The following GFRA1 variants were observed in gnomAD, a reference collection of about 807,000 sequenced individuals.
GFRA1 encodes the protein GDNF family receptor alpha 1.
Under a neutral mutation model 51.6 loss-of-function variants are expected in GFRA1, and 16 were observed. The observed-to-expected ratio is 0.31, with a 90% CI of 0.21 to 0.47. The LOEUF (loss-of-function observed/expected upper bound fraction) is 0.47, where lower values mean the gene tolerates loss of function less well. GFRA1 is among the 20% of genes least tolerant of loss of function. The probability of loss-of-function intolerance (pLI) is 1.00; values close to 1 mark genes in which losing one functional copy is unlikely to be tolerated. For missense variants in GFRA1, 530 were observed against 594.3 expected (o/e 0.89, Z 1.13); for synonymous variants, 270 against 241.3 (o/e 1.12, Z -1.10).
chr10:116,057,410 T>C lies in GFRA1; in HGVS notation c.*6988A>G, dbSNP rs1347882401. ...ACCCTAAAAATCAGAAGCCGCCTTC[T>C]ACTCTACCGTGCTATAAACCTGCAT... On this transcript the variant is annotated 3_prime_UTR_variant, in exon 11 of 11. Coordinates refer to ENST00000355422, the MANE Select transcript of GFRA1 (RefSeq NM_005264.8). 6.6e-6 allele frequency: 1 copy of C among 152,156 alleles called. No homozygotes were observed. Among genetic ancestry groups the C allele is most frequent in the East Asian group, 1.9e-4 (1 of 5,182 alleles). The allele number at this position is 152,156 out of a possible 1,614,324, so 9.4% of individuals were successfully genotyped here. A position where few individuals can be genotyped will look rare whatever the true frequency, so the allele number is the denominator to read the frequency against.
intron 5 of GFRA1, among the ~76,000 whole-genome samples, chr10:116,169,402 C>T (rs925492104): frequency 6.6e-6 from 1 of 152,224 alleles, no homozygotes. Flanking sequence ...TCAAGCTGGA[C>T]CTGCGGACCT....
At chr10:116,084,598 C>T (rs143950355) in intron 9 of GFRA1, among the ~76,000 whole-genome samples, 1 of 152,280 alleles carries the variant, frequency 6.6e-6, no homozygotes, top group East Asian at 1.9e-4. Context: ...AGTCCCAAGG[C>T]TATAGCTCCC....
intron 4 of GFRA1, among the ~76,000 whole-genome samples, chr10:116,268,908 G>C (rs1272582138): frequency 6.6e-6 from 1 of 152,184 alleles, no homozygotes; most frequent in African/African-American, 2.4e-5. Context: ...ACCATGGGAA[G>C]CGAGACTACA....
chr10:116,190,038 A>T (rs1478334265), intron 5 of GFRA1, among the ~76,000 whole-genome samples: 3 of 152,204 alleles, frequency 2.0e-5, no homozygotes, highest in Non-Finnish European at 4.4e-5. Context: ...GGAGAAAACC[A>T]AAGCACAGCA....
chr10:116,163,340 C>T (rs369157408), intron 5 of GFRA1, among the ~76,000 whole-genome samples: 3 of 152,298 alleles, frequency 2.0e-5, no homozygotes, highest in African/African-American at 7.2e-5. Flanking sequence ...ACTCGAGAAA[C>T]ACAAGAAGCC....
intron 9 of GFRA1, among the ~76,000 whole-genome samples, chr10:116,084,761 AACACACACACACACAC>A (rs5788130): frequency 0.19 from 26,078 of 140,170 alleles, 2,371 homozygotes; most frequent in East Asian, 0.33. Context: ...TTAAATAAGT[AACACACACACACACAC>A]ACACACACAC....
At position 116,098,968 on chromosome 10, in the gene GFRA1, C is replaced by A. The variant is rs182279842; in HGVS notation, c.771-2204G>T. ...TCGGCACATATCCTGGCCCTATGAC[C>A]CACAGCCAGTGGATGGGAAGAGAGT... On this transcript the variant is annotated intron_variant, in intron 6 of 10. Transcript: ENST00000355422. Among the ~76,000 whole-genome samples the A allele has an allele frequency of 1.4e-3, 215 of 152,264 alleles. 2 individuals are homozygous for A. The highest frequency in any genetic ancestry group is 5.1e-3 in the African/African-American group (213 of 41,548).
At chr10:116,157,041 G>A (rs1445713744) in intron 5 of GFRA1, among the ~76,000 whole-genome samples, 1 of 152,202 alleles carries the variant, frequency 6.6e-6, no homozygotes, top group Non-Finnish European at 1.5e-5. Context: ...GGACTCAGCT[G>A]CAACCCGCAT....
intron 5 of GFRA1, among the ~76,000 whole-genome samples, chr10:116,159,356 T>G (rs1959504870): frequency 6.6e-6 from 1 of 152,068 alleles, no homozygotes; most frequent in Non-Finnish European, 1.5e-5. Context: ...GTCATACTGG[T>G]TTCAAGAAAG....
In GFRA1 at chr10:116,205,926, TCACACACACACACACA is replaced by T. The variant is rs55780139; in HGVS notation, c.433+5689_433+5704del. 3.3e-4 allele frequency among the ~76,000 whole-genome samples: 47 copies of T among 142,584 alleles called. No homozygotes were observed. In the South Asian group the frequency reaches 4.8e-3, roughly 14 times the overall value. The allele number at this position is 142,584 out of a possible 152,430, so 93.5% of individuals were successfully genotyped here. A position where few individuals can be genotyped will look rare whatever the true frequency, so the allele number is the denominator to read the frequency against. Reference sequence around the variant, plus strand: ...AAATCTGGTTATCATTTTCCTCATATCACACACACACACACACACACACACACACACACACACACAC... The same window carrying T: ...AAATCTGGTTATCATTTTCCTCATATCACACACACACACACACACACACAC... On this transcript the variant is annotated intron_variant, in intron 5 of 10. Transcript: ENST00000355422.
intron 4 of GFRA1, among the ~76,000 whole-genome samples, chr10:116,224,371 C>T (rs944478996): frequency 6.6e-6 from 1 of 152,094 alleles, no homozygotes; most frequent in Non-Finnish European, 1.5e-5. Flanking sequence ...GAAAACATGT[C>T]CATGCAAAAA....
chr10:116,087,913 C>A (rs1956164615), intron 9 of GFRA1, among the ~76,000 whole-genome samples: 1 of 152,180 alleles, frequency 6.6e-6, no homozygotes, highest in Admixed American at 6.5e-5. Flanking sequence ...CATAGTATTT[C>A]CCAGAGCTCC....
chr10:116,121,479 A>T (rs1957641245), intron 6 of GFRA1, among the ~76,000 whole-genome samples: 1 of 152,234 alleles, frequency 6.6e-6, no homozygotes, highest in Non-Finnish European at 1.5e-5. Context: ...AACAAAGTCA[A>T]ACGGAAAAGC....
intron 5 of GFRA1, among the ~76,000 whole-genome samples, chr10:116,130,995 C>G (rs757847855): frequency 2.0e-5 from 3 of 152,120 alleles, no homozygotes; most frequent in Non-Finnish European, 4.4e-5. Context: ...AAACCACAGA[C>G]TGGAGAAAAT....
At chr10:116,214,763 A>G (rs532272937) in intron 4 of GFRA1, among the ~76,000 whole-genome samples, 1 of 152,340 alleles carries the variant, frequency 6.6e-6, no homozygotes, top group South Asian at 2.1e-4. Flanking sequence ...GACAAGGAGC[A>G]CTTCCTTCAA....
chr10:116,243,631 C>A (rs1482683070), intron 4 of GFRA1, among the ~76,000 whole-genome samples: 1 of 151,308 alleles, frequency 6.6e-6, no homozygotes, highest in East Asian at 1.9e-4. Context: ...TCAACCTGGG[C>A]TGCACATTTA....
chr10:116,108,483 G>A (rs1462123911), intron 6 of GFRA1, among the ~76,000 whole-genome samples: 2 of 152,080 alleles, frequency 1.3e-5, no homozygotes, highest in Admixed American at 6.5e-5. Flanking sequence ...CAGCACCTCA[G>A]CCCCAACCCC....
chr10:116,128,129 C>T (rs962317501), intron 5 of GFRA1, among the ~76,000 whole-genome samples: 26 of 152,094 alleles, frequency 1.7e-4, no homozygotes, highest in Admixed American at 9.2e-4. Context: ...CTCAAAAGGA[C>T]CCATGGAGAA....
At chr10:116,253,004 T>C (rs1645423384) in intron 4 of GFRA1, among the ~76,000 whole-genome samples, 1 of 152,238 alleles carries the variant, frequency 6.6e-6, no homozygotes, top group African/African-American at 2.4e-5. Flanking sequence ...AATGTGCCTC[T>C]TCCTCAGTCC....
Sources: gnomAD v4.1 joint callset for allele counts (sites outside exome capture counted in the v4.1 genomes callset) on GRCh38, gnomAD v4.1.1 for gene constraint, MANE v1.5 for transcripts, NCBI Gene and HGNC (gene_info 2026-07-23, HGNC 2026-07-21) for gene names.